Variants in JADE1 observed in about 807,000 individuals in gnomAD.
The protein encoded by JADE1 is jade family PHD finger 1, also known as protein Jade-1.
In JADE1, 14 loss-of-function variants were observed where a neutral mutation model predicts 81.8. That is an observed-to-expected ratio of 0.17 (90% CI 0.11 to 0.27). The LOEUF (loss-of-function observed/expected upper bound fraction) is 0.27. Ranked by LOEUF, JADE1 falls within the 10% of genes least tolerant of loss-of-function variation. The pLI is 1.00. For missense variants in JADE1, 690 were observed against 1,047.9 expected (o/e 0.66, Z 4.71); for synonymous variants, 353 against 391.9 (o/e 0.90, Z 1.17).
At chr4:128,812,210 A>G (rs145472980) in intron 1 of JADE1, among the ~76,000 whole-genome samples, 5 of 151,948 alleles carry the variant, frequency 3.3e-5, no homozygotes, top group South Asian at 2.1e-4. Context: ...CGCCACGAGA[A>G]GGTGTCATCA....
Position 128,855,810 on chromosome 4 carries a change from CT to C in JADE1, c.864+20del. 6.4e-7 allele frequency: 1 copy of C among 1,565,804 alleles called. No homozygotes were observed. Among genetic ancestry groups the C allele is most frequent in the South Asian group, 1.1e-5 (1 of 87,710 alleles). On this transcript the variant is annotated intron_variant, in intron 7 of 10. Transcript: ENST00000226319. ...GTGGATCCCTGAGGTACGTGTGGTTCTTTTTTTGTTGTTTTTACTTTTTTTT... is the reference window on the plus strand; with the variant it reads ...GTGGATCCCTGAGGTACGTGTGGTTCTTTTTTGTTGTTTTTACTTTTTTTT...
chr4:128,836,145 A>G (rs1229861991), intron 2 of JADE1, among the ~76,000 whole-genome samples: 1 of 152,166 alleles, frequency 6.6e-6, no homozygotes, highest in Non-Finnish European at 1.5e-5. Context: ...GATTTGGCAC[A>G]TGTGGGAATA....
At chr4:128,812,535 C>G (rs764132534) in intron 1 of JADE1, among the ~76,000 whole-genome samples, 1 of 152,100 alleles carries the variant, frequency 6.6e-6, no homozygotes, top group African/African-American at 2.4e-5. Context: ...AGTCCTCAAC[C>G]CCGGCTTGGC....
intron 5 of JADE1, among the ~76,000 whole-genome samples, chr4:128,851,830 A>T (rs189511440): frequency 2.0e-5 from 3 of 152,066 alleles, no homozygotes; most frequent in Admixed American, 2.0e-4. Context: ...CGTCTGGCTA[A>T]TTTTCATATT....
At position 128,861,729 on chromosome 4, in the gene JADE1, C is replaced by G; in HGVS notation, c.1007C>G (p.Ala336Gly). The change falls in exon 9 of 11, where the codon GCC becomes GGC. Residue 336 changes from alanine to glycine, a missense_variant. Physicochemically the swap from Ala to Gly is moderately conservative, Grantham distance 60. Around this residue, in one of 8 missense-constraint regions of JADE1, gnomAD observed 84 missense variants for 226.6 expected, o/e 0.37. Coordinates refer to ENST00000226319, the MANE Select transcript of JADE1 (RefSeq NM_199320.4). ...TGCTCTGTGAAGAACTGCCGCACAG[C>G]CTTCCATGTGACCTGTGCTTTTGAC... ...IQCSVKNCRT[A>G]FHVTCAFDRG... is the part of the protein sequence containing the mutation. The G allele has an allele frequency of 6.2e-7, 1 of 1,614,194 alleles. No individual in the cohort carries two copies. Among genetic ancestry groups the G allele is most frequent in the Non-Finnish European group, 8.5e-7 (1 of 1,180,002 alleles).
chr4:128,854,255 T>G lies in JADE1; in HGVS notation c.697-1375T>G, dbSNP rs531140711. 6.5e-4 allele frequency among the ~76,000 whole-genome samples: 99 copies of G among 152,304 alleles called. 1 individual carries two copies. The highest frequency in any genetic ancestry group is 2.3e-3 in the African/African-American group (97 of 41,558). On this transcript the variant is annotated intron_variant, in intron 6 of 10. Transcript: ENST00000226319. ...TTGGATGCCCCCTTCTCACCTTCTC[T>G]TCTTTCTGCCATATCACCTTTTCTC...
intron 1 of JADE1, among the ~76,000 whole-genome samples, chr4:128,817,303 C>G (rs539380108): frequency 7.7e-6 from 1 of 130,462 alleles, no homozygotes; most frequent in Non-Finnish European, 1.7e-5. Context: ...GGCTTCCTAA[C>G]TGCGATTACA....
intron 2 of JADE1, among the ~76,000 whole-genome samples, chr4:128,832,285 G>T (rs1728622397): frequency 6.6e-6 from 1 of 152,210 alleles, no homozygotes; most frequent in South Asian, 2.1e-4. Flanking sequence ...TGACTATATT[G>T]AATACTACTG....
At position 128,864,228 on chromosome 4, in the gene JADE1, G is replaced by A. The variant is rs934231979; in HGVS notation, c.1503+2003G>A. On this transcript the variant is annotated intron_variant, in intron 9 of 10. Coordinates refer to ENST00000226319, the MANE Select transcript of JADE1 (RefSeq NM_199320.4). Reference sequence around the variant, plus strand: ...AGTGGCGTGATCTCGGCTCACTGCAGCCTCCGCCTCCCGGGTTCAAGTGAT... The same window carrying A: ...AGTGGCGTGATCTCGGCTCACTGCAACCTCCGCCTCCCGGGTTCAAGTGAT... The A allele has an allele frequency of 1.5e-5, 9 of 616,078 alleles. No individual in the cohort carries two copies. The African/African-American group carries it at 1.6e-4, about 11-fold the overall frequency. 38.2% of individuals were successfully genotyped at this position (616,078 alleles called of 1,614,324 possible). A position where few individuals can be genotyped will look rare whatever the true frequency, so the allele number is the denominator to read the frequency against.
At chr4:128,813,856 G>A (rs1346390502) in intron 1 of JADE1, among the ~76,000 whole-genome samples, 1 of 151,988 alleles carries the variant, frequency 6.6e-6, no homozygotes, top group East Asian at 1.9e-4. Context: ...ATTTTAAGCT[G>A]TTTAAGTGTT....
In JADE1 at chr4:128,846,377, G is replaced by T; in HGVS notation, c.141G>T (p.Val47=). ...TGTCCCTTTCTCTTCCTTTCCAGGT[G>T]TTTAGGACAGACCTGATCACTGCCA... The part of the protein sequence containing the change: ...SRHEDRKPSE[V]FRTDLITAMK... Residue 47 remains valine (V), a splice_region_variant and synonymous_variant, in exon 4 of 11, where the codon GTG becomes GTT. Transcript: ENST00000226319. This position sits in a 1 kb window ranked among gnomAD's most constrained non-coding sequence, Gnocchi z 4.0. 1 of 1,614,058 alleles carries T rather than the reference G, an allele frequency of 6.2e-7. No homozygotes were observed. Among genetic ancestry groups the T allele is most frequent in the Non-Finnish European group, 8.5e-7 (1 of 1,179,938 alleles).
chr4:128,863,108 C>T (rs1731496877), intron 9 of JADE1: 1 of 985,676 alleles, frequency 1.0e-6, no homozygotes, highest in African/African-American at 1.7e-5. Flanking sequence ...GCTGGCATTT[C>T]CTTCTGCTGT....
At position 128,817,626 on chromosome 4, in the gene JADE1, T is replaced by G. The variant is rs188724969; in HGVS notation, c.-27+7749T>G. On this transcript the variant is annotated intron_variant, in intron 1 of 10. Coordinates refer to ENST00000226319, the MANE Select transcript of JADE1 (RefSeq NM_199320.4). ...GTACACTAAATGCAATTTAAATTTT[T>G]TATTGATTACTCTTTGTCATAATCT... is the stretch of plus-strand genomic sequence containing the variant. Among the ~76,000 whole-genome samples, 387 of 152,340 alleles carry G rather than the reference T, an allele frequency of 2.5e-3. 5 individuals are homozygous for G. The highest frequency in any genetic ancestry group is 3.7e-3 in the East Asian group (19 of 5,188).
chr4:128,862,509 C>T, intron 9 of JADE1: 1 of 1,275,946 alleles, frequency 7.8e-7, no homozygotes, highest in South Asian at 2.0e-5. Context: ...GTGTGTCTTC[C>T]CCACCCCCAT....
chr4:128,833,724 T>A (rs1728745252), intron 2 of JADE1, among the ~76,000 whole-genome samples: 1 of 152,198 alleles, frequency 6.6e-6, no homozygotes, highest in South Asian at 2.1e-4. Flanking sequence ...AGGGTGAGAA[T>A]TAGTCAGAAG....
chr4:128,821,493 CTTTT>C (rs66551703), intron 1 of JADE1, among the ~76,000 whole-genome samples: 5 of 118,822 alleles, frequency 4.2e-5, no homozygotes, highest in South Asian at 3.0e-4. Flanking sequence ...ATGGCTTCTT[CTTTT>C]TTTTTTTTTT....
chr4:128,857,478 T>A, intron 8 of JADE1, 24 bp downstream of exon 8: 2 of 1,559,368 alleles, frequency 1.3e-6, no homozygotes, highest in Admixed American at 1.7e-5. Context: ...TAAGAATGGC[T>A]TCATTTTCCT....
chr4:128,868,033 GT>G, intron 10 of JADE1, 60 bp downstream of exon 10: 2 of 774,144 alleles, frequency 2.6e-6, no homozygotes, highest in South Asian at 1.8e-5. Context: ...CTTTAACACT[GT>G]TGAGGAAGAA....
intron 9 of JADE1, chr4:128,863,011 C>T (rs1168910578): frequency 1.3e-5 from 13 of 985,376 alleles, no homozygotes; most frequent in Non-Finnish European, 1.6e-5. Context: ...TCTGAGGAGC[C>T]CCAGTCATGC....
Sources: allele counts gnomAD v4.1 joint callset (sites outside exome capture counted in the v4.1 genomes callset), GRCh38; gene constraint gnomAD v4.1.1; regional missense constraint gnomAD v4.1.1; non-coding constraint Gnocchi (gnomAD v3.1); transcripts MANE v1.5; gene names NCBI Gene and HGNC (gene_info 2026-07-23, HGNC 2026-07-21).